SYNE1: variants seen among roughly 807,000 people sequenced by gnomAD.
SYNE1 encodes nesprin-1.
In SYNE1, 616 loss-of-function variants were observed where a neutral mutation model predicts 1,111.0. The ratio of observed to expected loss-of-function variants is 0.55; its 90% CI spans 0.52 to 0.59. The LOEUF is 0.59. SYNE1 is among the 20% of genes least tolerant of loss of function. SYNE1 has a pLI of 0.00. For missense variants in SYNE1, 10,006 were observed against 10,417.0 expected (o/e 0.96, Z 1.72); for synonymous variants, 3,855 against 3,825.8 (o/e 1.01, Z -0.28).
At position 152,334,226 on chromosome 6, in the gene SYNE1, T is replaced by G. The variant is rs758631885; in HGVS notation, c.12576A>C (p.Ile4192=). The change falls in exon 77 of 146, where the codon ATA becomes ATC. Residue 4192 remains isoleucine, a synonymous_variant. Coordinates refer to ENST00000367255, the MANE Select transcript of SYNE1 (RefSeq NM_182961.4). ...TTGTTAACTTATTCACCTTTTCTAT[T>G]ATGGTGTTCACGGATGCCTGTTTGC... ...LQSKQASVNT[I]IEKVNKLTKK... The G allele has an allele frequency of 6.2e-7, 1 of 1,614,082 alleles. No homozygotes were observed. The highest frequency in any genetic ancestry group is 8.5e-7 in the Non-Finnish European group (1 of 1,180,028).
At chr6:152,339,426 T>G in intron 74 of SYNE1, 60 bp from the exon 75 acceptor site, 1 of 1,599,520 alleles carries the variant, frequency 6.3e-7, no homozygotes, top group South Asian at 1.1e-5. Context: ...AGCAAATACT[T>G]GTATCATTTG....
chr6:152,624,886 G>T (rs1583642048), intron 3 of SYNE1, among the ~76,000 whole-genome samples: 1 of 152,144 alleles, frequency 6.6e-6, no homozygotes, highest in Non-Finnish European at 1.5e-5. Flanking sequence ...CAGCAATTAT[G>T]GGTGTAAGCT....
At position 152,344,244 on chromosome 6, in the gene SYNE1, A is replaced by G. The variant is rs2096591340; in HGVS notation, c.12079-17T>C. On this transcript the variant is annotated splice_polypyrimidine_tract_variant and intron_variant, in intron 73 of 145. Transcript: ENST00000367255. ...CTGGTACATCTGAGACAATACAATC[A>G]TGCTGAGATTATGAGAACTGCTTTC... 2.5e-6 allele frequency: 4 copies of G among 1,613,994 alleles called. No homozygotes were observed. In the Admixed American group the frequency reaches 5.0e-5, roughly 20 times the overall value.
At chr6:152,385,980 C>A in intron 54 of SYNE1, 142 bp from the exon 55 acceptor site, 1 of 761,842 alleles carries the variant, frequency 1.3e-6, no homozygotes, top group South Asian at 1.7e-5. Context: ...AGTTTAATAT[C>A]TTAAGAAGAA....
At chr6:152,385,319 G>T (rs373480790) in intron 55 of SYNE1, among the ~76,000 whole-genome samples, 1 of 152,146 alleles carries the variant, frequency 6.6e-6, no homozygotes, top group Non-Finnish European at 1.5e-5. Context: ...GACATTTTCA[G>T]GTTATTGTTA....
At chr6:152,208,773 C>T (rs1314258552) in intron 124 of SYNE1, among the ~76,000 whole-genome samples, 1 of 152,194 alleles carries the variant, frequency 6.6e-6, no homozygotes, top group Non-Finnish European at 1.5e-5. Context: ...GCAAATCATT[C>T]CAGATGTTCA....
intron 130 of SYNE1, among the ~76,000 whole-genome samples, chr6:152,167,510 C>T (rs1278437733): frequency 6.6e-6 from 1 of 152,046 alleles, no homozygotes; most frequent in Non-Finnish European, 1.5e-5. Flanking sequence ...AAATCATGAA[C>T]TAAACATTTG....
At chr6:152,566,807 A>G (rs544669106) in intron 3 of SYNE1, among the ~76,000 whole-genome samples, 10 of 152,338 alleles carry the variant, frequency 6.6e-5, no homozygotes, top group African/African-American at 2.4e-4. Context: ...CTCGGGTAGA[A>G]TAACAATCCA....
At chr6:152,314,548 T>C (rs1012695920) in intron 87 of SYNE1, among the ~76,000 whole-genome samples, 1 of 152,134 alleles carries the variant, frequency 6.6e-6, no homozygotes, top group African/African-American at 2.4e-5. Context: ...CACTATATTG[T>C]ACTGTTTCCT....
At chr6:152,363,335 A>G (rs1200000960) in intron 63 of SYNE1, among the ~76,000 whole-genome samples, 12 of 148,998 alleles carry the variant, frequency 8.1e-5, no homozygotes, top group South Asian at 2.1e-4. Flanking sequence ...TCTACTAAAA[A>G]TACAAAAAAT....
At chr6:152,451,312 A>G in intron 25 of SYNE1, 107 bp from the exon 26 acceptor site, 2 of 1,180,268 alleles carry the variant, frequency 1.7e-6, no homozygotes, top group South Asian at 2.6e-5. Context: ...TATTCCTTTT[A>G]GGGCCAGTGT....
intron 3 of SYNE1, among the ~76,000 whole-genome samples, chr6:152,615,229 C>T (rs1182631234): frequency 6.6e-6 from 1 of 152,138 alleles, no homozygotes; most frequent in Admixed American, 6.5e-5. Flanking sequence ...AAATGCATAT[C>T]TATTCCTGCT....
chr6:152,226,614 C>T (rs1350022733), intron 115 of SYNE1, among the ~76,000 whole-genome samples: 1 of 152,162 alleles, frequency 6.6e-6, no homozygotes, highest in Non-Finnish European at 1.5e-5. Flanking sequence ...TATCATAACC[C>T]TAATTTCTAT....
In SYNE1 at chr6:152,364,898, C is replaced by G; in HGVS notation, c.10094G>C (p.Ser3365Thr). The G allele has an allele frequency of 6.2e-7, 1 of 1,614,200 alleles. No individual in the cohort carries two copies. The highest frequency in any genetic ancestry group is 8.5e-7 in the Non-Finnish European group (1 of 1,180,042). The change falls in exon 63 of 146, where the codon AGT becomes ACT. Residue 3365 changes from serine to threonine, a missense_variant. Transcript: ENST00000367255. ...GIPTIQQQLQ[S>T]VKDMWASLLS... ...AAGGGATGCCCACATATCCTTCACA[C>G]TCTGCAGCTGCTGCTGAATAGTGGG...
rs1222552896 is a variant in SYNE1, at chr6:152,122,055, A to G, written c.*381T>C. 6 of 303,848 alleles carry G rather than the reference A, an allele frequency of 2.0e-5. No individual in the cohort carries two copies. The highest frequency in any genetic ancestry group is 2.5e-5 in the Non-Finnish European group (4 of 157,408). The allele number at this position is 303,848 out of a possible 1,614,324, so 18.8% of individuals were successfully genotyped here. ...GACATGGTGCTTGGGAGGGTCATTT[A>G]TCTGATGGTTGGAGCAGCACCATGG... On this transcript the variant is annotated 3_prime_UTR_variant, in exon 146 of 146. Coordinates refer to ENST00000367255, the MANE Select transcript of SYNE1 (RefSeq NM_182961.4).
intron 104 of SYNE1, among the ~76,000 whole-genome samples, chr6:152,250,259 A>G (rs1276571968): frequency 1.3e-5 from 2 of 152,224 alleles, no homozygotes; most frequent in East Asian, 3.9e-4. Flanking sequence ...ATCTCAAAAA[A>G]AAAAAATTAC....
chr6:152,405,286 T>C (rs2097880997), intron 45 of SYNE1, among the ~76,000 whole-genome samples: 2 of 152,320 alleles, frequency 1.3e-5, no homozygotes, highest in South Asian at 4.1e-4. Flanking sequence ...TATTGAATCA[T>C]TGGATTTCTG....
chr6:152,265,231 T>C (rs1394782075), intron 100 of SYNE1, among the ~76,000 whole-genome samples: 1 of 103,960 alleles, frequency 9.6e-6, no homozygotes, highest in Non-Finnish European at 2.0e-5. Flanking sequence ...AAAAAAGCAA[T>C]AGTAACAATA....
Position 152,362,459 on chromosome 6 carries a change from G to A in SYNE1, c.10146-136C>T, listed in dbSNP as rs34721749. 0.13 allele frequency: 153,873 copies of A among 1,147,052 alleles called. 11,637 individuals carry two copies. Among genetic ancestry groups the A allele is most frequent in the Non-Finnish European group, 0.15 (117,777 of 786,800 alleles). The allele number at this position is 1,147,052 out of a possible 1,614,324, so 71.1% of individuals were successfully genotyped here. ...AAGAAGCTTGCTTGGGAGTGAGCAG[G>A]CTGCCCAGGGCTTAAGGACACTGAG... On this transcript the variant is annotated intron_variant, in intron 63 of 145. Transcript: ENST00000367255.
Sources: allele counts gnomAD v4.1 joint callset (sites outside exome capture counted in the v4.1 genomes callset), GRCh38; gene constraint gnomAD v4.1.1; transcripts MANE v1.5; gene names NCBI Gene and HGNC (gene_info 2026-07-23, HGNC 2026-07-21).